The following SYNE2 variants were observed in gnomAD, a reference collection of about 807,000 sequenced individuals.
SYNE2 encodes the protein nesprin-2.
A neutral mutation model predicts 856.3 loss-of-function variants in SYNE2; 431 were observed. The observed-to-expected ratio is 0.50, with a 90% CI of 0.47 to 0.55. The LOEUF (loss-of-function observed/expected upper bound fraction) is 0.55. Ranked by LOEUF, SYNE2 falls within the 20% of genes least tolerant of loss-of-function variation. The pLI is 0.00. For missense variants in SYNE2, 8,129 were observed against 8,023.2 expected (o/e 1.01, Z -0.50); for synonymous variants, 2,923 against 2,872.3 (o/e 1.02, Z -0.56).
At chr14:63,871,892 C>T (rs1460684551) in intron 1 of SYNE2, among the ~76,000 whole-genome samples, 11 of 152,152 alleles carry the variant, frequency 7.2e-5, no homozygotes, top group Non-Finnish European at 1.6e-4. Flanking sequence ...TATATACCTG[C>T]TTTAGCATCC....
rs780250499 is a variant in SYNE2 at position 64,121,093 on chromosome 14, A to G, written c.13158+32A>G. 5.6e-6 allele frequency: 9 copies of G among 1,613,156 alleles called. No homozygotes were observed. In the African/African-American group the frequency reaches 1.1e-4, roughly 19 times the overall value. On this transcript the variant is annotated intron_variant, in intron 68 of 115. Transcript: ENST00000555002. ...CTAGCCCCCAACAGTTGTAGGGACT[A>G]GAATATAACTTTTTAACCAGGCAAG...
At chr14:64,170,606 A>AC (rs2098406071) in intron 94 of SYNE2, 144 bp downstream of exon 94, 4 of 818,842 alleles carry the variant, frequency 4.9e-6, no homozygotes, top group Admixed American at 2.0e-5. Flanking sequence ...TGCAGTCACC[A>AC]CCCCCCACAG....
chr14:63,795,956 C>T (rs548687383), intron 1 of SYNE2, among the ~76,000 whole-genome samples: 2 of 152,216 alleles, frequency 1.3e-5, no homozygotes, highest in South Asian at 4.1e-4. Context: ...GAAAGCAGAT[C>T]TGTGGCAGTC....
rs2275014 is a variant in SYNE2 at position 64,209,502 on chromosome 14, C to T, written c.18464C>T (p.Ala6155Val). 128 of 1,614,200 alleles carry T rather than the reference C, an allele frequency of 7.9e-5. No individual in the cohort carries two copies. In the East Asian group the frequency reaches 2.8e-3, roughly 36 times the overall value. ...CGCTTTGAGGACTGGCTCAAGTCAG[C>T]TGAGAGGACGGCAGCCTGCCCAAAT... The part of the protein sequence containing the change: ...YSRFEDWLKS[A>V]ERTAACPNSS... Residue 6155 changes from alanine (A) to valine (V), a missense_variant, in exon 102 of 116, where the codon GCT becomes GTT. Physicochemically the swap from Ala to Val is moderately conservative, Grantham distance 64. Transcript: ENST00000555002.
Position 63,950,021 on chromosome 14 carries a change from A to C in SYNE2, c.590+15A>C. 1 of 1,613,812 alleles carries C rather than the reference A, an allele frequency of 6.2e-7. No individual in the cohort carries two copies. Among genetic ancestry groups the C allele is most frequent in the Non-Finnish European group, 8.5e-7 (1 of 1,179,926 alleles). ...CAATGCGCCACGTAAGTAGTTTGCT[A>C]TGACCCTAAGAGACACACAGGGCAG... On this transcript the variant is annotated intron_variant, in intron 7 of 115. Transcript: ENST00000555002.
intron 49 of SYNE2, among the ~76,000 whole-genome samples, chr14:64,061,862 A>G (rs970764761): frequency 2.0e-5 from 3 of 152,204 alleles, no homozygotes; most frequent in Non-Finnish European, 4.4e-5. Context: ...TTCAGTAGGA[A>G]TCAAAGAAAA....
chr14:64,199,006 G>C (rs575402450), intron 99 of SYNE2, among the ~76,000 whole-genome samples: 1 of 152,220 alleles, frequency 6.6e-6, no homozygotes, highest in Non-Finnish European at 1.5e-5. Context: ...GAATCCTCAG[G>C]GTCTGTGCAG....
At chr14:63,787,553 G>A (rs1887582454) in intron 1 of SYNE2, among the ~76,000 whole-genome samples, 1 of 152,182 alleles carries the variant, frequency 6.6e-6, no homozygotes, top group Non-Finnish European at 1.5e-5. Context: ...AGATGAAGAG[G>A]AACTTCATTG....
intron 114 of SYNE2, 106 bp from the exon 115 acceptor site, chr14:64,224,893 A>T: frequency 1.8e-6 from 2 of 1,091,346 alleles, no homozygotes; most frequent in Non-Finnish European, 2.8e-6. Flanking sequence ...TGGCTGTAAC[A>T]CAACATAAAG....
intron 49 of SYNE2, among the ~76,000 whole-genome samples, chr14:64,057,092 A>T (rs1275461147): frequency 6.6e-6 from 1 of 152,034 alleles, no homozygotes; most frequent in Non-Finnish European, 1.5e-5. Context: ...GGTAGATGAG[A>T]TATTCATTTC....
At chr14:64,020,201 G>T in intron 35 of SYNE2, 108 bp downstream of exon 35, 1,918 of 619,668 alleles carry the variant, frequency 3.1e-3, no homozygotes, top group Middle Eastern at 4.6e-3. Flanking sequence ...TCTAAAAGAA[G>T]AAAAAAACGG....
At chr14:64,220,925 G>C (rs2098691307) in intron 111 of SYNE2, among the ~76,000 whole-genome samples, 1 of 152,022 alleles carries the variant, frequency 6.6e-6, no homozygotes, top group South Asian at 2.1e-4. Context: ...TCCTCTTTTT[G>C]TCCTTTTGCC....
intron 83 of SYNE2, among the ~76,000 whole-genome samples, chr14:64,145,810 A>G (rs988012426): frequency 6.6e-5 from 10 of 152,200 alleles, no homozygotes; most frequent in Non-Finnish European, 1.5e-4. Flanking sequence ...TTTATTTTGT[A>G]TACATCTGAA....
intron 66 of SYNE2, among the ~76,000 whole-genome samples, chr14:64,115,177 T>G (rs2097844597): frequency 6.6e-6 from 1 of 152,206 alleles, no homozygotes; most frequent in Non-Finnish European, 1.5e-5. Flanking sequence ...AATCCCATCT[T>G]CATTGCCACT....
chr14:63,921,490 G>A (rs906701624), intron 2 of SYNE2, among the ~76,000 whole-genome samples: 1 of 152,126 alleles, frequency 6.6e-6, no homozygotes, highest in Admixed American at 6.6e-5. Flanking sequence ...GCTTGAGAAG[G>A]GATGTCCAGA....
At chr14:64,136,942 C>G (rs2098097043) in intron 78 of SYNE2, among the ~76,000 whole-genome samples, 1 of 152,172 alleles carries the variant, frequency 6.6e-6, no homozygotes, top group Non-Finnish European at 1.5e-5. Context: ...GGAGTAGGCT[C>G]TCCTAGAGCC....
Position 64,137,972 on chromosome 14 carries a change from G to A in SYNE2, c.14832G>A (p.Lys4944=), listed in dbSNP as rs1419168476. Residue 4944 remains lysine (K), a synonymous_variant, in exon 79 of 116, where the codon AAG becomes AAA. Coordinates refer to ENST00000555002, the MANE Select transcript of SYNE2 (RefSeq NM_182914.3). ...TCCACAGGCTGCAAGCTCTTCTCAAGCATCTGCTCAGGTCAGCCTTTTTGG... is the reference window on the plus strand; with the variant it reads ...TCCACAGGCTGCAAGCTCTTCTCAAACATCTGCTCAGGTCAGCCTTTTTGG... ...HELHRLQALL[K]HLLSYNRDSD... is the part of the protein sequence containing the mutation. The A allele has an allele frequency of 6.2e-7, 1 of 1,613,748 alleles. No homozygotes were observed. The highest frequency in any genetic ancestry group is 1.1e-5 in the South Asian group (1 of 91,030).
At chr14:64,105,891 C>A (rs562583214) in intron 64 of SYNE2, among the ~76,000 whole-genome samples, 1 of 151,790 alleles carries the variant, frequency 6.6e-6, no homozygotes, top group South Asian at 2.1e-4. Context: ...GAAACCCTGT[C>A]TCTGTAAAAA....
At chr14:64,193,504 C>G (rs896083538) in intron 99 of SYNE2, among the ~76,000 whole-genome samples, 10 of 151,976 alleles carry the variant, frequency 6.6e-5, no homozygotes, top group African/African-American at 2.4e-4. Context: ...GAGCCTTGAT[C>G]ACACCACTGC....
Sources: gnomAD v4.1 joint callset for allele counts (sites outside exome capture counted in the v4.1 genomes callset) on GRCh38, gnomAD v4.1.1 for gene constraint, MANE v1.5 for transcripts, NCBI Gene and HGNC (gene_info 2026-07-23, HGNC 2026-07-21) for gene names.